Variants in RIMS1 observed in about 807,000 individuals in gnomAD.
The protein encoded by RIMS1 is regulating synaptic membrane exocytosis 1, also known as regulating synaptic membrane exocytosis protein 1.
Under a neutral mutation model 214.1 loss-of-function variants are expected in RIMS1, and 83 were observed. The observed-to-expected ratio is 0.39, with a 90% CI of 0.32 to 0.47. The LOEUF is 0.47. Ranked by LOEUF, RIMS1 falls within the 20% of genes least tolerant of loss-of-function variation. The probability of loss-of-function intolerance (pLI) is 0.99; values close to 1 mark genes in which losing one functional copy is unlikely to be tolerated. For missense variants in RIMS1, 2,050 were observed against 2,161.8 expected (o/e 0.95, Z 1.03); for synonymous variants, 793 against 786.8 (o/e 1.01, Z -0.13).
chr6:72,402,940 T>A lies in RIMS1; in HGVS notation c.*2226T>A, dbSNP rs1042623269. 4 of 152,648 alleles carry A rather than the reference T, an allele frequency of 2.6e-5. No individual in the cohort carries two copies. Among genetic ancestry groups the A allele is most frequent in the African/African-American group, 9.7e-5 (4 of 41,450 alleles). 9.5% of individuals were successfully genotyped at this position (152,648 alleles called of 1,614,324 possible). A position where few individuals can be genotyped will look rare whatever the true frequency, so the allele number is the denominator to read the frequency against. On this transcript the variant is annotated 3_prime_UTR_variant, in exon 34 of 34. Transcript: ENST00000521978. ...GCGGGCATTTGACTTGACTTGTCAC[T>A]GCACTATATTATGTCTTAATCGATG...
chr6:72,006,598 C>G (rs574367885), intron 2 of RIMS1, among the ~76,000 whole-genome samples: 1 of 152,306 alleles, frequency 6.6e-6, no homozygotes, highest in East Asian at 1.9e-4. Context: ...TGACAGATGG[C>G]ACCTGGAAAA....
chr6:72,280,505 A>G lies in RIMS1; in HGVS notation c.3483-3542A>G, dbSNP rs138065561. ...TTTCTATTTTATTCTCTGCTCCTTT[A>G]CAGAAAATTATTGCAATTAAGTGCA... On this transcript the variant is annotated intron_variant, in intron 23 of 33. Transcript: ENST00000521978. 1.1e-4 allele frequency among the ~76,000 whole-genome samples: 16 copies of G among 152,154 alleles called. No individual in the cohort carries two copies. The East Asian group carries it at 2.3e-3, about 22-fold the overall frequency.
intron 28 of RIMS1, among the ~76,000 whole-genome samples, chr6:72,314,045 CATAA>C (rs1395903095): frequency 1.3e-5 from 2 of 152,126 alleles, no homozygotes; most frequent in African/African-American, 2.4e-5. Flanking sequence ...GTGACAGCTA[CATAA>C]ATAAATCAAC....
At chr6:71,923,339 T>C (rs1289969594) in intron 1 of RIMS1, among the ~76,000 whole-genome samples, 2 of 152,194 alleles carry the variant, frequency 1.3e-5, no homozygotes, top group African/African-American at 4.8e-5. Flanking sequence ...AGAATTCTCA[T>C]TTAGAATTCT....
At chr6:72,017,712 TAAG>T (rs1469197562) in intron 2 of RIMS1, among the ~76,000 whole-genome samples, 2 of 152,076 alleles carry the variant, frequency 1.3e-5, no homozygotes, top group African/African-American at 2.4e-5. Context: ...CAAAAATACT[TAAG>T]GAGAAAATTT....
At chr6:72,002,767 GA>G (rs1805724963) in intron 2 of RIMS1, among the ~76,000 whole-genome samples, 1 of 152,160 alleles carries the variant, frequency 6.6e-6, no homozygotes, top group South Asian at 2.1e-4. Context: ...ATGAGTAGAT[GA>G]AGTTGAAAGT....
At chr6:72,398,219 G>C (rs755616310) in intron 31 of RIMS1, 30 bp from the exon 32 acceptor site, 1 of 1,419,332 alleles carries the variant, frequency 7.0e-7, no homozygotes, top group East Asian at 2.3e-5. Flanking sequence ...CAAAGAAGCT[G>C]AAACACATCT....
At chr6:72,153,592 A>G (rs934382855) in intron 4 of RIMS1, among the ~76,000 whole-genome samples, 1 of 152,164 alleles carries the variant, frequency 6.6e-6, no homozygotes, top group Non-Finnish European at 1.5e-5. Context: ...AATGAAATCA[A>G]AGTGGACATT....
intron 4 of RIMS1, among the ~76,000 whole-genome samples, chr6:72,136,746 A>G (rs974122845): frequency 1.4e-4 from 22 of 152,156 alleles, no homozygotes; most frequent in Admixed American, 1.1e-3. Context: ...CAGTGTATCA[A>G]ACAAGTAAAG....
At chr6:72,080,083 A>AG (rs1832974173) in intron 2 of RIMS1, among the ~76,000 whole-genome samples, 3 of 137,186 alleles carry the variant, frequency 2.2e-5, no homozygotes, top group Non-Finnish European at 4.6e-5. Context: ...CTAAAAAAAA[A>AG]AAAAAAAAAA....
At position 72,248,273 on chromosome 6, in the gene RIMS1, AT is replaced by A. The variant is rs983365190; in HGVS notation, c.2241+152del. On this transcript the variant is annotated intron_variant, in intron 12 of 33. Transcript: ENST00000521978. ...AATCTACTTCATTAGTTTTTCATGC[AT>A]TTTTTATTATTCCTTTATTCACATA... 1.1e-5 allele frequency: 6 copies of A among 528,272 alleles called. No homozygotes were observed. The South Asian group carries it at 1.1e-4, about 10-fold the overall frequency. The allele number at this position is 528,272 out of a possible 1,614,324, so 32.7% of individuals were successfully genotyped here. A position where few individuals can be genotyped will look rare whatever the true frequency, so the allele number is the denominator to read the frequency against.
intron 4 of RIMS1, among the ~76,000 whole-genome samples, chr6:72,131,208 T>C (rs1476198593): frequency 6.6e-6 from 1 of 152,202 alleles, no homozygotes; most frequent in Non-Finnish European, 1.5e-5. Context: ...TCTCCTATAC[T>C]GAGCATAGTG....
At chr6:72,392,528 T>G (rs1412692565) in intron 30 of RIMS1, among the ~76,000 whole-genome samples, 170 bp from the exon 31 acceptor site, 1 of 152,176 alleles carries the variant, frequency 6.6e-6, no homozygotes, top group Non-Finnish European at 1.5e-5. Context: ...CAGTCAATGT[T>G]AAGCCTCATA....
chr6:72,294,979 C>T lies in RIMS1; in HGVS notation c.3850+2933C>T, dbSNP rs868599630. ...CAAAATTTTTCTGGTTATATTTCAA[C>T]ACAATATCCCAGCATATCCCTTATG... On this transcript the variant is annotated intron_variant, in intron 26 of 33. Transcript: ENST00000521978. 4.0e-4 allele frequency among the ~76,000 whole-genome samples: 60 copies of T among 151,744 alleles called. 1 individual carries two copies. The highest frequency in any genetic ancestry group is 1.4e-3 in the African/African-American group (57 of 41,508).
chr6:71,886,941 G>C lies in RIMS1; in HGVS notation c.-83G>C. ...CCGCCGCTAGGGCTCCGCTGTGAGG[G>C]GGAAGCAGGGGCGCAGCTGCTGGGC... is the stretch of plus-strand genomic sequence containing the variant. On this transcript the variant is annotated 5_prime_UTR_variant, in exon 1 of 34. Coordinates refer to ENST00000521978, the MANE Select transcript of RIMS1 (RefSeq NM_014989.7). 2 of 1,500,880 alleles carry C rather than the reference G, an allele frequency of 1.3e-6. No homozygotes were observed. The highest frequency in any genetic ancestry group is 1.8e-6 in the Non-Finnish European group (2 of 1,105,084). 93.0% of individuals were successfully genotyped at this position (1,500,880 alleles called of 1,614,324 possible).
intron 6 of RIMS1, among the ~76,000 whole-genome samples, chr6:72,231,828 G>A (rs1383754179): frequency 6.6e-6 from 1 of 151,688 alleles, no homozygotes; most frequent in Admixed American, 6.6e-5. Context: ...ACGAATATAT[G>A]TATCTCATAT....
chr6:72,267,319 G>A (rs1227126394), intron 22 of RIMS1, among the ~76,000 whole-genome samples: 1 of 151,946 alleles, frequency 6.6e-6, no homozygotes, highest in Non-Finnish European at 1.5e-5. Context: ...TTTCTGGTTA[G>A]TAGTAAAACA....
At chr6:72,226,466 C>T (rs138682824) in intron 6 of RIMS1, among the ~76,000 whole-genome samples, 181 of 152,082 alleles carry the variant, frequency 1.2e-3, no homozygotes, top group African/African-American at 3.8e-3. Flanking sequence ...CCATTATCTA[C>T]GGTATTTCAT....
chr6:72,127,301 G>A (rs917681874), intron 4 of RIMS1, among the ~76,000 whole-genome samples: 1 of 151,740 alleles, frequency 6.6e-6, no homozygotes, highest in Non-Finnish European at 1.5e-5. Flanking sequence ...AGTACATGCT[G>A]TGATGTTTTT....
Sources: gnomAD v4.1 joint callset for allele counts (sites outside exome capture counted in the v4.1 genomes callset) on GRCh38, gnomAD v4.1.1 for gene constraint, MANE v1.5 for transcripts, NCBI Gene and HGNC (gene_info 2026-07-23, HGNC 2026-07-21) for gene names.